DDHD1: variants seen among roughly 807,000 people sequenced by gnomAD.
The protein encoded by DDHD1 is phospholipase DDHD1.
In DDHD1, 49 loss-of-function variants were observed where a neutral mutation model predicts 96.4. That is an observed-to-expected ratio of 0.51 (90% CI 0.40 to 0.64). The LOEUF is 0.64. Ranked by LOEUF, DDHD1 falls within the 30% of genes least tolerant of loss-of-function variation. The pLI is 0.00. For missense variants in DDHD1, 1,106 were observed against 1,161.2 expected (o/e 0.95, Z 0.69); for synonymous variants, 442 against 446.5 (o/e 0.99, Z 0.13).
At chr14:53,058,005 A>G (rs979423537) in intron 9 of DDHD1, among the ~76,000 whole-genome samples, 1 of 151,530 alleles carries the variant, frequency 6.6e-6, no homozygotes, top group Admixed American at 6.6e-5. Flanking sequence ...GTGCCCAGCT[A>G]ATTTTTTGTA....
chr14:53,092,407 T>C (rs1886506094), intron 3 of DDHD1: 1 of 152,160 alleles, frequency 6.6e-6, no homozygotes, highest in Non-Finnish European at 1.5e-5. Context: ...AAAGCACACT[T>C]ATTGATGAAA....
Position 53,091,987 on chromosome 14 carries a change from C to T in DDHD1, c.1142-55G>A, listed in dbSNP as rs1192886288. On this transcript the variant is annotated intron_variant, in intron 3 of 12. Coordinates refer to ENST00000673822, the MANE Select transcript of DDHD1 (RefSeq NM_001160148.2). ...TATTTAATCTGAGAAATAGCATTTC[C>T]ACAATATGTTAAAAGAAAAAAAAGA... 3.3e-6 allele frequency: 5 copies of T among 1,507,276 alleles called. No individual in the cohort carries two copies. The African/African-American group carries it at 4.2e-5, about 13-fold the overall frequency. The allele number at this position is 1,507,276 out of a possible 1,614,324, so 93.4% of individuals were successfully genotyped here.
intron 1 of DDHD1, among the ~76,000 whole-genome samples, chr14:53,132,204 C>T (rs11620755): frequency 0.99 from 151,370 of 152,196 alleles, 75,288 homozygotes; most frequent in Middle Eastern, 1. Context: ...ACAGCCAAAG[C>T]GCAGGGCTGT....
chr14:53,085,879 T>C (rs1435061780), intron 4 of DDHD1, among the ~76,000 whole-genome samples: 3 of 152,156 alleles, frequency 2.0e-5, no homozygotes, highest in East Asian at 1.9e-4. Flanking sequence ...TTCAAACCCA[T>C]TGCAAGGAAG....
intron 1 of DDHD1, 150 bp from the exon 2 acceptor site, chr14:53,104,006 T>G: frequency 4.4e-6 from 3 of 688,760 alleles, no homozygotes; most frequent in Non-Finnish European, 6.8e-6. Context: ...TATTTATGTT[T>G]ATTTATTTTG....
At chr14:53,069,638 C>T (rs1323201310) in intron 6 of DDHD1, among the ~76,000 whole-genome samples, 1 of 152,158 alleles carries the variant, frequency 6.6e-6, no homozygotes, top group African/African-American at 2.4e-5. Flanking sequence ...TCTACAGTAT[C>T]TCTAAGGTAT....
intron 6 of DDHD1, among the ~76,000 whole-genome samples, chr14:53,066,987 T>C (rs910322539): frequency 4.7e-4 from 69 of 145,960 alleles, no homozygotes; most frequent in African/African-American, 1.7e-3. Context: ...TTTGCCCACC[T>C]CTCACTTAGG....
intron 6 of DDHD1, 79 bp from the exon 7 acceptor site, chr14:53,063,284 A>T (rs999829395): frequency 6.8e-7 from 1 of 1,473,486 alleles, no homozygotes; most frequent in Non-Finnish European, 9.1e-7. Context: ...AAATACATTA[A>T]GGTAGAAAAA....
In DDHD1 at chr14:53,131,888, G is replaced by A. The variant is rs376278847; in HGVS notation, c.838+20373C>T. Among the ~76,000 whole-genome samples, 18 of 151,980 alleles carry A rather than the reference G, an allele frequency of 1.2e-4. No individual in the cohort carries two copies. The East Asian group carries it at 2.9e-3, about 24-fold the overall frequency. The stretch of plus-strand genomic sequence containing the variant: ...TTCTTCCCCAACCGTTACCTACCTC[G>A]GCATAATTCTTCATGAAAACATGCA... On this transcript the variant is annotated intron_variant, in intron 1 of 12. Coordinates refer to ENST00000673822, the MANE Select transcript of DDHD1 (RefSeq NM_001160148.2).
chr14:53,125,599 T>C (rs578204402), intron 1 of DDHD1, among the ~76,000 whole-genome samples: 3 of 152,322 alleles, frequency 2.0e-5, no homozygotes, highest in Admixed American at 2.0e-4. Flanking sequence ...TTCAAACTTT[T>C]CTATTTTCTC....
At chr14:53,126,488 T>A (rs1595228199) in intron 1 of DDHD1, among the ~76,000 whole-genome samples, 2 of 152,260 alleles carry the variant, frequency 1.3e-5, no homozygotes, top group East Asian at 3.9e-4. Flanking sequence ...CCACTTCAGC[T>A]CCCAAGTAGC....
intron 1 of DDHD1, among the ~76,000 whole-genome samples, chr14:53,128,385 C>T (rs1889614030): frequency 6.6e-6 from 1 of 152,152 alleles, no homozygotes; most frequent in South Asian, 2.1e-4. Context: ...GATCAAGGCA[C>T]CAGCAGATTT....
chr14:53,047,052 A>T, intron 12 of DDHD1, 103 bp from the exon 13 acceptor site: 1 of 860,324 alleles, frequency 1.2e-6, no homozygotes, highest in Non-Finnish European at 1.6e-6. Flanking sequence ...AATAGAAGTG[A>T]TTCTGTCACT....
intron 1 of DDHD1, among the ~76,000 whole-genome samples, chr14:53,128,909 C>A (rs1889660886): frequency 6.6e-6 from 1 of 152,214 alleles, no homozygotes; most frequent in Non-Finnish European, 1.5e-5. Context: ...ACAATACACC[C>A]TCCCTGCCCT....
At chr14:53,083,748 TG>T (rs368777994) in intron 4 of DDHD1, among the ~76,000 whole-genome samples, 92 of 152,336 alleles carry the variant, frequency 6.0e-4, no homozygotes, top group African/African-American at 2.1e-3. Context: ...AGCAGGGAAA[TG>T]GTAAGAAATC....
chr14:53,150,669 C>G (rs933023426), intron 1 of DDHD1, among the ~76,000 whole-genome samples: 3 of 152,166 alleles, frequency 2.0e-5, no homozygotes, highest in East Asian at 1.9e-4. Flanking sequence ...TCTGACTCCA[C>G]TAAGTCTTGG....
chr14:53,153,270 C>T lies in DDHD1; in HGVS notation c.-172G>A, dbSNP rs1014765427. On this transcript the variant is annotated 5_prime_UTR_variant, in exon 1 of 13. Coordinates refer to ENST00000673822, the MANE Select transcript of DDHD1 (RefSeq NM_001160148.2). ...TCCGCCCCCACGAGACCCGCAGCCGCCGCAGCTGCGTTCTGCCGCCGGCCC... is the reference window on the plus strand; with the variant it reads ...TCCGCCCCCACGAGACCCGCAGCCGTCGCAGCTGCGTTCTGCCGCCGGCCC... 69 of 478,318 alleles carry T rather than the reference C, an allele frequency of 1.4e-4. No individual in the cohort carries two copies. Among genetic ancestry groups the T allele is most frequent in the African/African-American group, 1.4e-3 (67 of 49,392 alleles). 29.6% of individuals were successfully genotyped at this position (478,318 alleles called of 1,614,324 possible).
In DDHD1 at chr14:53,132,513, G is replaced by A. The variant is rs180982780; in HGVS notation, c.838+19748C>T. 7.9e-5 allele frequency among the ~76,000 whole-genome samples: 12 copies of A among 152,198 alleles called. No individual in the cohort carries two copies. The East Asian group carries it at 9.7e-4, about 12-fold the overall frequency. ...TTCCCCATCTATCACTGAGTCTACCGCTCTGCCCCCCTCCACTACCTCTCA... is the reference window on the plus strand; with the variant it reads ...TTCCCCATCTATCACTGAGTCTACCACTCTGCCCCCCTCCACTACCTCTCA... On this transcript the variant is annotated intron_variant, in intron 1 of 12. Coordinates refer to ENST00000673822, the MANE Select transcript of DDHD1 (RefSeq NM_001160148.2).
chr14:53,049,602 G>A (rs998521354), intron 12 of DDHD1, among the ~76,000 whole-genome samples: 1 of 148,324 alleles, frequency 6.7e-6, no homozygotes, highest in African/African-American at 2.5e-5. Flanking sequence ...TCTCAAGAAT[G>A]GGTGTTGTCA....
Sources: allele counts gnomAD v4.1 joint callset (sites outside exome capture counted in the v4.1 genomes callset), GRCh38; gene constraint gnomAD v4.1.1; transcripts MANE v1.5; gene names NCBI Gene and HGNC (gene_info 2026-07-23, HGNC 2026-07-21).